CDH18: variants seen among roughly 807,000 people sequenced by gnomAD.
CDH18 encodes the protein cadherin-18.
CDH18 carries 31 observed loss-of-function variants against 67.9 expected under a neutral mutation model. The observed-to-expected ratio is 0.46, with a 90% CI of 0.34 to 0.62. The LOEUF (loss-of-function observed/expected upper bound fraction) is 0.62, where lower values mean the gene tolerates loss of function less well. Ranked by LOEUF, CDH18 falls within the 20% of genes least tolerant of loss-of-function variation. The pLI is 0.01. For synonymous variants in CDH18, 362 were observed against 347.2 expected (o/e 1.04, Z -0.48); for missense variants, 890 against 975.5 (o/e 0.91, Z 1.17).
intron 1 of CDH18, among the ~76,000 whole-genome samples, chr5:20,477,120 C>A (rs1752494896): frequency 6.6e-6 from 1 of 151,976 alleles, no homozygotes; most frequent in South Asian, 2.1e-4. Context: ...GAAGAGTATT[C>A]CATGGGAATG....
intron 5 of CDH18, among the ~76,000 whole-genome samples, chr5:19,666,305 A>G (rs1178453958): frequency 2.7e-5 from 4 of 149,694 alleles, no homozygotes; most frequent in Non-Finnish European, 5.9e-5. Flanking sequence ...ACGGGGTCTC[A>G]TCAGGTATCC....
intron 1 of CDH18, among the ~76,000 whole-genome samples, chr5:20,480,999 T>G (rs913861559): frequency 1.2e-4 from 18 of 151,888 alleles, no homozygotes; most frequent in Non-Finnish European, 7.4e-5. Context: ...CACTTAATAA[T>G]AGCATTGGAT....
At chr5:19,917,407 G>C (rs528142476) in intron 2 of CDH18, among the ~76,000 whole-genome samples, 1 of 145,912 alleles carries the variant, frequency 6.9e-6, no homozygotes, top group South Asian at 2.2e-4. Flanking sequence ...TGTTCTTTTA[G>C]AACAATGGTC....
chr5:19,525,351 T>C (rs1747594080), intron 9 of CDH18, among the ~76,000 whole-genome samples: 1 of 151,194 alleles, frequency 6.6e-6, no homozygotes, highest in Non-Finnish European at 1.5e-5. Context: ...ATCCCTAATG[T>C]ACAATCACTA....
In CDH18 at chr5:20,186,021, G is replaced by A. The variant is rs553655748; in HGVS notation, c.-518+69423C>T. ...AGGCAATAAAAATAGAAATGAAAAGGAAACAGAAAGGAATGAAGACTCATC... is the reference window on the plus strand; with the variant it reads ...AGGCAATAAAAATAGAAATGAAAAGAAAACAGAAAGGAATGAAGACTCATC... On this transcript the variant is annotated intron_variant, in intron 2 of 14. Coordinates refer to the CDH18 transcript ENST00000507958. Among the ~76,000 whole-genome samples, 10 of 152,064 alleles carry A rather than the reference G, an allele frequency of 6.6e-5. No individual in the cohort carries two copies. In the South Asian group the frequency reaches 2.1e-3, roughly 32 times the overall value.
At chr5:20,460,899 TTAAC>T (rs1216799503) in intron 1 of CDH18, among the ~76,000 whole-genome samples, 1 of 152,216 alleles carries the variant, frequency 6.6e-6, no homozygotes, top group African/African-American at 2.4e-5. Context: ...CATGAGTAAC[TTAAC>T]TGAGTACATA....
chr5:19,667,129 A>T (rs1243903809), intron 5 of CDH18, among the ~76,000 whole-genome samples: 1 of 151,872 alleles, frequency 6.6e-6, no homozygotes, highest in Non-Finnish European at 1.5e-5. Flanking sequence ...GTTATTTATA[A>T]ATTAGCAATT....
At chr5:19,939,238 T>C (rs4280869) in intron 2 of CDH18, among the ~76,000 whole-genome samples, 64,005 of 151,182 alleles carry the variant, frequency 0.42, 15,965 homozygotes, top group Middle Eastern at 0.67. Context: ...TTAATAATTA[T>C]ACTTTTTCTT....
chr5:19,657,633 T>A (rs1190928588), intron 5 of CDH18, among the ~76,000 whole-genome samples: 2 of 152,166 alleles, frequency 1.3e-5, no homozygotes, highest in South Asian at 4.1e-4. Context: ...AAACACTTGA[T>A]CTAAAAATAC....
Position 20,079,291 on chromosome 5 carries a change from C to T in CDH18, c.-517-87277G>A, listed in dbSNP as rs796220248. Among the ~76,000 whole-genome samples, 9 of 152,088 alleles carry T rather than the reference C, an allele frequency of 5.9e-5. No homozygotes were observed. In the South Asian group the frequency reaches 1.9e-3, roughly 32 times the overall value. ...CCATGAGTTTGACGTCTTTAGATTC[C>T]AGATATAAATGAGACCATATGATAT... On this transcript the variant is annotated intron_variant, in intron 2 of 14. Coordinates refer to the CDH18 transcript ENST00000507958.
chr5:19,517,235 G>T (rs2126876466), intron 10 of CDH18, among the ~76,000 whole-genome samples: 1 of 152,116 alleles, frequency 6.6e-6, no homozygotes, highest in South Asian at 2.1e-4. Flanking sequence ...AAAATATGTG[G>T]AATATCTTTT....
At chr5:20,352,418 C>T (rs1344981114) in intron 1 of CDH18, among the ~76,000 whole-genome samples, 1 of 151,650 alleles carries the variant, frequency 6.6e-6, no homozygotes, top group African/African-American at 2.4e-5. Context: ...GGGCCAGCAC[C>T]CCAAATCTTG....
intron 5 of CDH18, among the ~76,000 whole-genome samples, chr5:19,679,786 C>G (rs1202160512): frequency 6.6e-6 from 1 of 151,712 alleles, no homozygotes; most frequent in Non-Finnish European, 1.5e-5. Context: ...TGAAAGAAAT[C>G]AGAGATGACA....
At position 19,804,951 on chromosome 5, in the gene CDH18, A is replaced by ATT. The variant is rs35396228; in HGVS notation, c.228+33806_228+33807dup. ...GAAAAAAATCATTATTATTATTATGATTTTTTTTTTTTGGACAGGGTGTGG... is the reference window on the plus strand; with the variant it reads ...GAAAAAAATCATTATTATTATTATGATTTTTTTTTTTTTTGGACAGGGTGTGG... On this transcript the variant is annotated intron_variant, in intron 3 of 12. Coordinates refer to ENST00000382275, the MANE Select transcript of CDH18 (RefSeq NM_004934.5). 3.1e-3 allele frequency among the ~76,000 whole-genome samples: 455 copies of ATT among 147,968 alleles called. 3 individuals are homozygous for ATT. The highest frequency in any genetic ancestry group is 0.01 in the African/African-American group (414 of 40,230).
At chr5:20,449,180 C>A (rs1322611560) in intron 1 of CDH18, among the ~76,000 whole-genome samples, 5 of 152,028 alleles carry the variant, frequency 3.3e-5, no homozygotes, top group African/African-American at 7.2e-5. Context: ...GGTCTCATGT[C>A]CAGTTTATAC....
intron 2 of CDH18, among the ~76,000 whole-genome samples, chr5:20,228,641 A>T (rs534442705): frequency 1.5e-4 from 23 of 152,092 alleles, no homozygotes; most frequent in African/African-American, 5.5e-4. Context: ...TGCTCCTATT[A>T]ATCACCATTC....
At chr5:20,021,252 G>C (rs1398787260) in intron 2 of CDH18, among the ~76,000 whole-genome samples, 1 of 152,074 alleles carries the variant, frequency 6.6e-6, no homozygotes, top group Non-Finnish European at 1.5e-5. Context: ...ATAGGTGTAA[G>C]GGACTTGTCT....
At chr5:19,583,307 T>C (rs1743581344) in intron 7 of CDH18, among the ~76,000 whole-genome samples, 1 of 152,246 alleles carries the variant, frequency 6.6e-6, no homozygotes, top group South Asian at 2.1e-4. Context: ...TAGAAATGCA[T>C]ATTTTGATAA....
chr5:20,260,555 T>TGAGA, intron 1 of CDH18, among the ~76,000 whole-genome samples: 1 of 152,166 alleles, frequency 6.6e-6, no homozygotes, highest in African/African-American at 2.4e-5. Context: ...ATATTTTGCA[T>TGAGA]TTCAGAAAGA....
Sources: gnomAD v4.1 joint callset for allele counts (sites outside exome capture counted in the v4.1 genomes callset) on GRCh38, gnomAD v4.1.1 for gene constraint, MANE v1.5 for transcripts, NCBI Gene and HGNC (gene_info 2026-07-23, HGNC 2026-07-21) for gene names.